GRID2: variants seen among roughly 807,000 people sequenced by gnomAD.
GRID2 encodes glutamate receptor ionotropic, delta-2.
GRID2 carries 33 observed loss-of-function variants against 114.8 expected under a neutral mutation model. The observed-to-expected ratio is 0.29, with a 90% CI of 0.22 to 0.38. The LOEUF (loss-of-function observed/expected upper bound fraction) is 0.38, where lower values mean the gene tolerates loss of function less well. GRID2 is among the 10% of genes least tolerant of loss of function. The pLI, the probability that GRID2 is intolerant of heterozygous loss-of-function variation, is 1.00. For missense variants in GRID2, 1,184 were observed against 1,257.7 expected (o/e 0.94, Z 0.89); for synonymous variants, 505 against 449.9 (o/e 1.12, Z -1.55).
In GRID2 at chr4:92,864,749, C is replaced by G. The variant is rs149089211; in HGVS notation, c.245-220246C>G. Reference sequence around the variant, plus strand: ...TGTCATGGGAAAAGATACAAGTTCACCAGTGACAGGGACACCATAGACTAC... The same window carrying G: ...TGTCATGGGAAAAGATACAAGTTCAGCAGTGACAGGGACACCATAGACTAC... On this transcript the variant is annotated intron_variant, in intron 2 of 15. Transcript: ENST00000282020. Among the ~76,000 whole-genome samples the G allele has an allele frequency of 2.0e-5, 3 of 152,232 alleles. No homozygotes were observed. The East Asian group carries it at 5.8e-4, about 29-fold the overall frequency.
intron 2 of GRID2, among the ~76,000 whole-genome samples, chr4:92,896,887 T>C (rs1293867441): frequency 1.3e-5 from 2 of 152,064 alleles, no homozygotes; most frequent in Non-Finnish European, 1.5e-5. Flanking sequence ...GGATTACAGG[T>C]ATGTGCGACG....
chr4:93,022,316 A>C (rs1481855869), intron 2 of GRID2, among the ~76,000 whole-genome samples: 1 of 151,950 alleles, frequency 6.6e-6, no homozygotes, highest in African/African-American at 2.4e-5. Context: ...TTAGGATACC[A>C]AAAATGCTAT....
chr4:93,628,406 A>T (rs1742926918), intron 14 of GRID2, among the ~76,000 whole-genome samples: 1 of 152,102 alleles, frequency 6.6e-6, no homozygotes, highest in Non-Finnish European at 1.5e-5. Context: ...TAAGGTACTG[A>T]AATAATTGAA....
At position 92,989,294 on chromosome 4, in the gene GRID2, A is replaced by ATAAT. The variant is rs1387179042; in HGVS notation, c.245-95701_245-95700insTAAT. ...TCCATCTCAAAAAAAAAAAAAAAAA[A>ATAAT]AAAAAAAATAATAATAATAATCCCA... On this transcript the variant is annotated intron_variant, in intron 2 of 15. Coordinates refer to ENST00000282020, the MANE Select transcript of GRID2 (RefSeq NM_001510.4). Among the ~76,000 whole-genome samples, 4 of 145,448 alleles carry ATAAT rather than the reference A, an allele frequency of 2.8e-5. No individual in the cohort carries two copies. The East Asian group carries it at 7.9e-4, about 29-fold the overall frequency.
At chr4:93,575,446 A>G (rs1009931854) in intron 13 of GRID2, among the ~76,000 whole-genome samples, 7 of 152,148 alleles carry the variant, frequency 4.6e-5, no homozygotes, top group African/African-American at 1.7e-4. Context: ...CTAATATTTA[A>G]TGATATATTG....
At chr4:92,996,871 C>T (rs1755233133) in intron 2 of GRID2, among the ~76,000 whole-genome samples, 1 of 152,066 alleles carries the variant, frequency 6.6e-6, no homozygotes, top group African/African-American at 2.4e-5. Flanking sequence ...CCTTTCTGCT[C>T]CTGTCTCTCA....
chr4:93,066,245 G>C (rs968111895), intron 2 of GRID2, among the ~76,000 whole-genome samples: 3 of 151,838 alleles, frequency 2.0e-5, no homozygotes, highest in African/African-American at 7.2e-5. Context: ...ACATGTGATG[G>C]TACTAAGATA....
intron 3 of GRID2, among the ~76,000 whole-genome samples, chr4:93,102,813 A>G (rs1051560484): frequency 1.3e-5 from 2 of 151,022 alleles, no homozygotes; most frequent in Non-Finnish European, 3.0e-5. Flanking sequence ...TAACAGGGTT[A>G]TACTGGTGGC....
intron 13 of GRID2, among the ~76,000 whole-genome samples, chr4:93,566,424 T>C (rs547200304): frequency 6.6e-6 from 1 of 152,236 alleles, no homozygotes; most frequent in Non-Finnish European, 1.5e-5. Context: ...GAGATGTGTA[T>C]ATTTTGATTA....
chr4:93,069,354 G>A lies in GRID2; in HGVS notation c.245-15641G>A, dbSNP rs549853156. Among the ~76,000 whole-genome samples, 8 of 151,858 alleles carry A rather than the reference G, an allele frequency of 5.3e-5. No individual in the cohort carries two copies. The East Asian group carries it at 5.8e-4, about 11-fold the overall frequency. On this transcript the variant is annotated intron_variant, in intron 2 of 15. Coordinates refer to ENST00000282020, the MANE Select transcript of GRID2 (RefSeq NM_001510.4). ...AAATTGGTTTCATTGTAAATGGAAA[G>A]CATTTCTCTGAAAAATCCATAAACC...
chr4:92,362,904 C>T (rs1282683468), intron 1 of GRID2, among the ~76,000 whole-genome samples: 1 of 151,822 alleles, frequency 6.6e-6, no homozygotes, highest in South Asian at 2.1e-4. Flanking sequence ...AACATTTGGT[C>T]GATTATCCAA....
At chr4:92,354,299 G>A (rs1342059778) in intron 1 of GRID2, among the ~76,000 whole-genome samples, 1 of 151,910 alleles carries the variant, frequency 6.6e-6, no homozygotes, top group Non-Finnish European at 1.5e-5. Flanking sequence ...TGGTTGCTGT[G>A]AACCTTTGAC....
intron 4 of GRID2, among the ~76,000 whole-genome samples, chr4:93,167,857 G>A (rs183396861): frequency 6.6e-5 from 10 of 151,742 alleles, no homozygotes; most frequent in Non-Finnish European, 1.2e-4. Flanking sequence ...TTATAGATTT[G>A]TTTCAAAGTA....
intron 2 of GRID2, among the ~76,000 whole-genome samples, chr4:92,991,961 G>A (rs914526629): frequency 2.0e-5 from 3 of 152,034 alleles, no homozygotes; most frequent in Non-Finnish European, 2.9e-5. Context: ...TTATATCAAC[G>A]TATGTGAGGG....
intron 4 of GRID2, among the ~76,000 whole-genome samples, chr4:93,129,400 T>C (rs756055605): frequency 6.6e-6 from 1 of 152,170 alleles, no homozygotes; most frequent in East Asian, 1.9e-4. Context: ...AAACTAATAG[T>C]GCAGGATCCC....
rs528031771 is a variant in GRID2, at chr4:92,781,663, G to T, written c.244+191377G>T. ...TATATGTTATACTATTTATTACTGG[G>T]ATTTTGTTTTTCAAACTTCTACTTT... On this transcript the variant is annotated intron_variant, in intron 2 of 15. Transcript: ENST00000282020. Among the ~76,000 whole-genome samples the T allele has an allele frequency of 7.1e-3, 1,078 of 151,958 alleles. 7 individuals carry two copies. Among genetic ancestry groups the T allele is most frequent in the Middle Eastern group, 0.031 (9 of 292 alleles).
chr4:93,381,229 C>T (rs560413838), intron 8 of GRID2, among the ~76,000 whole-genome samples: 20 of 151,996 alleles, frequency 1.3e-4, no homozygotes, highest in Non-Finnish European at 2.8e-4. Context: ...CAATGATTCC[C>T]CATTTCCCTC....
chr4:93,778,465 C>T (rs918816648), downstream of GRID2, among the ~76,000 whole-genome samples: 2 of 141,000 alleles, frequency 1.4e-5, no homozygotes, highest in Non-Finnish European at 3.0e-5. Context: ...GGCACGATCT[C>T]GGCTCCCTGG....
chr4:92,805,365 A>C (rs1051815016), intron 2 of GRID2, among the ~76,000 whole-genome samples: 1 of 151,968 alleles, frequency 6.6e-6, no homozygotes, highest in Non-Finnish European at 1.5e-5. Flanking sequence ...TTTGGTGTTA[A>C]TAGAAATTAC....
Sources: gnomAD v4.1 joint callset for allele counts (sites outside exome capture counted in the v4.1 genomes callset) on GRCh38, gnomAD v4.1.1 for gene constraint, MANE v1.5 for transcripts, NCBI Gene and HGNC (gene_info 2026-07-23, HGNC 2026-07-21) for gene names.